The following PARP4 variants were observed in gnomAD, a reference collection of about 807,000 sequenced individuals.
PARP4 encodes the protein protein mono-ADP-ribosyltransferase PARP4.
In PARP4, 120 loss-of-function variants were observed where a neutral mutation model predicts 187.7. The ratio of observed to expected loss-of-function variants is 0.64; its 90% CI spans 0.55 to 0.74. PARP4 has a LOEUF of 0.74. Among genes scored for constraint, PARP4 ranks in the 30% least tolerant of loss-of-function variants. The pLI is 0.00. For synonymous variants in PARP4, 654 were observed against 740.9 expected (o/e 0.88, Z 1.90); for missense variants, 1,836 against 2,070.5 (o/e 0.89, Z 2.20).
At chr13:24,512,516 A>G (rs1044565487) in intron 1 of PARP4, among the ~76,000 whole-genome samples, 190 bp downstream of exon 1, 33 of 152,294 alleles carry the variant, frequency 2.2e-4, no homozygotes, top group African/African-American at 7.9e-4. Context: ...GAACGACCGC[A>G]ATATCCCTCC....
intron 17 of PARP4, among the ~76,000 whole-genome samples, chr13:24,461,517 T>C (rs2137485923): frequency 6.6e-6 from 1 of 152,272 alleles, no homozygotes; most frequent in Non-Finnish European, 1.5e-5. Flanking sequence ...ACAGGATCTG[T>C]GTGAACTCCT....
chr13:24,488,537 T>C (rs142806421), intron 10 of PARP4, among the ~76,000 whole-genome samples: 16,541 of 150,708 alleles, frequency 0.11, 973 homozygotes, highest in African/African-American at 0.12. Flanking sequence ...TATTTTTAGT[T>C]GAGACAGGGT....
intron 15 of PARP4, among the ~76,000 whole-genome samples, chr13:24,473,162 T>C (rs1872806635): frequency 6.6e-6 from 1 of 152,050 alleles, no homozygotes; most frequent in African/African-American, 2.4e-5. Flanking sequence ...GCTGAAGCAA[T>C]CCTCCTACCT....
chr13:24,455,506 T>TATATATATATATATATATATATATCA, intron 21 of PARP4, among the ~76,000 whole-genome samples: 1 of 135,480 alleles, frequency 7.4e-6, no homozygotes, highest in South Asian at 2.3e-4. Context: ...TATATATATA[T>TATATATATATATATATATATATATCA]CACACTATTC....
intron 33 of PARP4, among the ~76,000 whole-genome samples, chr13:24,424,859 T>G (rs1027579104): frequency 7.9e-5 from 12 of 151,798 alleles, no homozygotes; most frequent in African/African-American, 1.7e-4. Flanking sequence ...TTTTTGTATT[T>G]TTTTTAGTAG....
In PARP4 at chr13:24,434,472, C is replaced by A. The variant is rs202228356; in HGVS notation, c.4669G>T (p.Glu1557Ter). ...DSILCFLEVK[E>*]EDEIVCIQHW... ...TGTATGCACACTATTTCATCCTCTT[C>A]TTTTACTTCCAGAAAGCACAGGATA... is the stretch of plus-strand genomic sequence containing the variant. Residue 1557 changes from glutamate to a stop codon, truncating the protein, a stop_gained, in exon 31 of 34, where the codon GAA becomes TAA. Coordinates refer to ENST00000381989, the MANE Select transcript of PARP4 (RefSeq NM_006437.4). LOFTEE classifies it high-confidence loss of function. 1 of 1,612,564 alleles carries A rather than the reference C, an allele frequency of 6.2e-7. No homozygotes were observed.
At chr13:24,456,088 G>C (rs9581055) in intron 21 of PARP4, among the ~76,000 whole-genome samples, 17,977 of 152,140 alleles carry the variant, frequency 0.12, 1,211 homozygotes, top group African/African-American at 0.15. Flanking sequence ...GATGGCACAT[G>C]TTCTTTTGGT....
At chr13:24,447,234 A>C (rs760386826) in intron 25 of PARP4, 48 bp from the exon 26 acceptor site, 1 of 1,358,808 alleles carries the variant, frequency 7.4e-7, no homozygotes, top group Admixed American at 2.4e-5. Context: ...CCATCCAGAA[A>C]ATAGTTACTT....
intron 33 of PARP4, among the ~76,000 whole-genome samples, chr13:24,423,486 G>T (rs887087746): frequency 6.6e-6 from 1 of 151,500 alleles, no homozygotes; most frequent in African/African-American, 2.4e-5. Context: ...AGCCGAGATC[G>T]TGCCACTGCA....
intron 5 of PARP4, 78 bp downstream of exon 5, chr13:24,499,223 G>A (rs1436450616): frequency 2.0e-5 from 28 of 1,408,798 alleles, no homozygotes; most frequent in East Asian, 2.6e-5. Context: ...GAAAATGACC[G>A]AATAGGAAAA....
chr13:24,430,812 G>A, intron 32 of PARP4, among the ~76,000 whole-genome samples: 5 of 152,188 alleles, frequency 3.3e-5, no homozygotes, highest in Admixed American at 3.3e-4. Context: ...GCAGAGGCTG[G>A]CTAGGAGCTC....
chr13:24,488,157 A>G (rs931101023), intron 10 of PARP4, among the ~76,000 whole-genome samples: 3 of 152,026 alleles, frequency 2.0e-5, no homozygotes, highest in African/African-American at 7.2e-5. Flanking sequence ...GTAGCCCTGG[A>G]GGGCTGAACT....
intron 21 of PARP4, 41 bp from the exon 22 acceptor site, chr13:24,455,253 A>C: frequency 6.9e-7 from 1 of 1,458,566 alleles, no homozygotes; most frequent in Non-Finnish European, 9.3e-7. Flanking sequence ...GCTTCTTGTC[A>C]CTTCAACTGC....
intron 1 of PARP4, among the ~76,000 whole-genome samples, chr13:24,512,177 C>T (rs1273831278): frequency 6.6e-6 from 1 of 152,180 alleles, no homozygotes; most frequent in African/African-American, 2.4e-5. Context: ...GTGAACCATT[C>T]GGCCCTCCTA....
intron 2 of PARP4, among the ~76,000 whole-genome samples, chr13:24,502,246 T>C (rs1042472928): frequency 1.3e-4 from 20 of 152,232 alleles, no homozygotes; most frequent in African/African-American, 4.6e-4. Flanking sequence ...GGTCTTGCTA[T>C]GTTGACCAGG....
intron 12 of PARP4, among the ~76,000 whole-genome samples, chr13:24,482,771 A>G (rs768797313): frequency 1.4e-4 from 22 of 152,190 alleles, no homozygotes; most frequent in Non-Finnish European, 2.9e-4. Flanking sequence ...TATTTGCTAT[A>G]TTGCAGTAGT....
chr13:24,427,313 T>C (rs905512447), intron 32 of PARP4, among the ~76,000 whole-genome samples: 1 of 152,118 alleles, frequency 6.6e-6, no homozygotes, highest in African/African-American at 2.4e-5. Context: ...GAAAAATGAA[T>C]GTTTACATGT....
chr13:24,504,458 C>A (rs147146513), intron 1 of PARP4, among the ~76,000 whole-genome samples: 1 of 151,454 alleles, frequency 6.6e-6, no homozygotes, highest in African/African-American at 2.4e-5. Flanking sequence ...GGACTACATG[C>A]GCGCACCACC....
chr13:24,494,784 A>C (rs1296652378), intron 6 of PARP4, 62 bp from the exon 7 acceptor site: 4 of 1,188,312 alleles, frequency 3.4e-6, no homozygotes, highest in Non-Finnish European at 4.8e-6. Flanking sequence ...TTTATTGAAC[A>C]TAAATAAAGC....
Sources: allele counts gnomAD v4.1 joint callset (sites outside exome capture counted in the v4.1 genomes callset), GRCh38; gene constraint gnomAD v4.1.1; transcripts MANE v1.5; gene names NCBI Gene and HGNC (gene_info 2026-07-23, HGNC 2026-07-21).